Variants in PHF24 observed in about 807,000 individuals in gnomAD.
PHF24 encodes the protein Galpha inhibitory interacting protein.
Under a neutral mutation model 42.6 loss-of-function variants are expected in PHF24, and 25 were observed. That is an observed-to-expected ratio of 0.59 (90% CI 0.43 to 0.82). PHF24 has a LOEUF of 0.82. Among genes scored for constraint, PHF24 ranks in the 40% least tolerant of loss-of-function variants. The pLI is 0.00. For missense variants in PHF24, 470 were observed against 538.1 expected (o/e 0.87, Z 1.25); for synonymous variants, 185 against 204.8 (o/e 0.90, Z 0.83).
the PHF24 span, among the ~76,000 whole-genome samples, chr9:34,927,946 G>A: frequency 6.6e-6 from 1 of 152,094 alleles, no homozygotes; most frequent in Non-Finnish European, 1.5e-5. Context: ...TAATGAGTTG[G>A]GAGCTGGGGG....
At chr9:34,837,173 G>A in the PHF24 span, 2 of 469,552 alleles carry the variant, frequency 4.3e-6, no homozygotes, top group East Asian at 1.4e-4. Context: ...GCATGGTAGA[G>A]TTTTCAGAGT....
the PHF24 span, among the ~76,000 whole-genome samples, chr9:34,780,298 CTTTT>C: frequency 1.6e-5 from 1 of 63,896 alleles, no homozygotes; most frequent in African/African-American, 4.9e-5. Context: ...TTCTTTTTTT[CTTTT>C]TTTTTTTTTT....
chr9:34,717,803 G>T, the PHF24 span, among the ~76,000 whole-genome samples: 1 of 152,136 alleles, frequency 6.6e-6, no homozygotes, highest in South Asian at 2.1e-4. Context: ...ACCTGTCTTT[G>T]TGTCTGCATG....
At chr9:34,770,194 A>G in the PHF24 span, among the ~76,000 whole-genome samples, 361 of 152,330 alleles carry the variant, frequency 2.4e-3, no homozygotes, top group African/African-American at 8.4e-3. Context: ...ATATGTAAAG[A>G]GTACCCAATG....
chr9:34,683,457 A>G, the PHF24 span, among the ~76,000 whole-genome samples: 1 of 152,192 alleles, frequency 6.6e-6, no homozygotes, highest in African/African-American at 2.4e-5. Flanking sequence ...GTAAGGGGAG[A>G]GCCCATCACC....
the PHF24 span, chr9:34,723,667 C>T: frequency 1.9e-6 from 3 of 1,551,622 alleles, no homozygotes; most frequent in Non-Finnish European, 2.6e-6. Flanking sequence ...CCAGCCCATG[C>T]AAAACTTGGC....
At chr9:34,751,008 G>A in the PHF24 span, among the ~76,000 whole-genome samples, 1 of 152,056 alleles carries the variant, frequency 6.6e-6, no homozygotes. Context: ...CACCTATAAA[G>A]ACACATATGG....
chr9:34,887,413 C>A, the PHF24 span, among the ~76,000 whole-genome samples: 3 of 152,188 alleles, frequency 2.0e-5, no homozygotes, highest in African/African-American at 7.2e-5. Context: ...TTCTACCAGG[C>A]CTTATACCAT....
the PHF24 span, among the ~76,000 whole-genome samples, chr9:34,920,024 A>C: frequency 6.6e-6 from 1 of 152,142 alleles, no homozygotes; most frequent in Non-Finnish European, 1.5e-5. Flanking sequence ...GGGAGTGCAG[A>C]TATCTCTTTG....
chr9:34,849,557 T>G, the PHF24 span, among the ~76,000 whole-genome samples: 1 of 152,206 alleles, frequency 6.6e-6, no homozygotes, highest in African/African-American at 2.4e-5. Flanking sequence ...CTTTATCCAA[T>G]TTGCCAGTCT....
rs1258436740 is a variant in PHF24 at position 34,958,932 on chromosome 9, G to A, written c.-5+531G>A. On this transcript the variant is annotated intron_variant, in intron 1 of 7. Transcript: ENST00000242315. The surrounding 1 kb of genome is among the most constrained non-coding windows in gnomAD (Gnocchi z 4.5). ...ACTTCCCACGGCTCCAAGGACTTTG[G>A]CCTCCACCGGGATCCCTGTAGGGTT... is the stretch of plus-strand genomic sequence containing the variant. Among the ~76,000 whole-genome samples the A allele has an allele frequency of 6.6e-6, 1 of 152,200 alleles. No individual in the cohort carries two copies. Among genetic ancestry groups the A allele is most frequent in the Non-Finnish European group, 1.5e-5 (1 of 68,030 alleles).
chr9:34,774,636 G>A, the PHF24 span, among the ~76,000 whole-genome samples: 9,863 of 152,132 alleles, frequency 0.065, 440 homozygotes, highest in African/African-American at 0.12. Context: ...TACTGGGAGC[G>A]GTGGCGGGCA....
the PHF24 span, among the ~76,000 whole-genome samples, chr9:34,822,550 C>T: frequency 7.2e-5 from 11 of 152,102 alleles, no homozygotes; most frequent in African/African-American, 1.9e-4. Flanking sequence ...TTTCTCATTC[C>T]GTACTTCCAA....
At chr9:34,932,354 C>T in the PHF24 span, among the ~76,000 whole-genome samples, 2 of 152,196 alleles carry the variant, frequency 1.3e-5, no homozygotes, top group Non-Finnish European at 2.9e-5. Context: ...TTGATGTCTT[C>T]TAGCCCAGAG....
At chr9:34,946,205 C>G in the PHF24 span, among the ~76,000 whole-genome samples, 7 of 152,196 alleles carry the variant, frequency 4.6e-5, no homozygotes, top group African/African-American at 1.7e-4. Context: ...TAACACATAG[C>G]AGGCACTTAA....
the PHF24 span, among the ~76,000 whole-genome samples, chr9:34,872,279 A>G: frequency 6.6e-6 from 1 of 151,352 alleles, no homozygotes; most frequent in South Asian, 2.1e-4. Flanking sequence ...ATATGTATAC[A>G]TGTGCCATGC....
chr9:34,713,491 AT>A, the PHF24 span, among the ~76,000 whole-genome samples: 2 of 150,502 alleles, frequency 1.3e-5, no homozygotes, highest in South Asian at 4.2e-4. Flanking sequence ...CTCTCCCTTC[AT>A]CAAGTACCAC....
At chr9:34,789,695 T>A in the PHF24 span, among the ~76,000 whole-genome samples, 1 of 152,134 alleles carries the variant, frequency 6.6e-6, no homozygotes, top group African/African-American at 2.4e-5. Flanking sequence ...GTAAACAAAA[T>A]TAAATGGAAC....
the PHF24 span, chr9:34,678,390 A>G: frequency 1.9e-4 from 26 of 137,324 alleles, no homozygotes; most frequent in African/African-American, 7.2e-4. Context: ...CTGGAGCGCA[A>G]TGGCGCAGTA....
Sources: allele counts gnomAD v4.1 joint callset (sites outside exome capture counted in the v4.1 genomes callset), GRCh38; gene constraint gnomAD v4.1.1; non-coding constraint Gnocchi (gnomAD v3.1); transcripts MANE v1.5; gene names NCBI Gene and HGNC (gene_info 2026-07-23, HGNC 2026-07-21).